The following KCP variants were observed in gnomAD, a reference collection of about 807,000 sequenced individuals.
The protein encoded by KCP is kielin/chordin-like protein.
Under a neutral mutation model 212.7 loss-of-function variants are expected in KCP, and 194 were observed. The ratio of observed to expected loss-of-function variants is 0.91; its 90% CI spans 0.81 to 1.03. The LOEUF (loss-of-function observed/expected upper bound fraction) is 1.03. KCP is among the 50% of genes least tolerant of loss of function. The probability of loss-of-function intolerance (pLI) is 0.00; values close to 1 mark genes in which losing one functional copy is unlikely to be tolerated. For missense variants in KCP, 2,080 were observed against 2,162.5 expected (o/e 0.96, Z 0.76); for synonymous variants, 833 against 865.3 (o/e 0.96, Z 0.65).
In KCP at chr7:128,903,735, G is replaced by A. The variant is rs979256486; in HGVS notation, c.740C>T (p.Thr247Ile). Residue 247 changes from threonine (T) to isoleucine (I), a missense_variant, in exon 7 of 40, where the codon ACC becomes ATC. Transcript: ENST00000610776. ...PVLRPGHCCP[T>I]CQGCTEGGSH... ...GGGCCAGGGGCTCTCACCTTGGCAG[G>A]TTGGGCAGCAGTGCCCAGGCCTCAG... 6.5e-7 allele frequency: 1 copy of A among 1,549,546 alleles called. No homozygotes were observed. Among genetic ancestry groups the A allele is most frequent in the Non-Finnish European group, 8.7e-7 (1 of 1,146,100 alleles).
intron 16 of KCP, among the ~76,000 whole-genome samples, chr7:128,892,233 G>T (rs79097036): frequency 0.047 from 7,080 of 151,416 alleles, 558 homozygotes; most frequent in African/African-American, 0.16. Flanking sequence ...GGGGGTAGGG[G>T]GGTGGGGGCC....
Position 128,908,557 on chromosome 7 carries a change from G to A in KCP, c.88C>T (p.Pro30Ser). 1 of 1,550,840 alleles carries A rather than the reference G, an allele frequency of 6.4e-7. No homozygotes were observed. The highest frequency in any genetic ancestry group is 1.2e-5 in the South Asian group (1 of 84,026). ...LAAGAEGGAV[P>S]REPPGQQTTA... ...GTCTGCTGCCCAGGGGGCTCCCTGGGGACAGCCCCACCTGAAGGGCACAAG... is the reference window on the plus strand; with the variant it reads ...GTCTGCTGCCCAGGGGGCTCCCTGGAGACAGCCCCACCTGAAGGGCACAAG... Residue 30 changes from proline (P) to serine (S), a missense_variant, in exon 2 of 40, where the codon CCC (proline) becomes TCC (serine). Coordinates refer to ENST00000610776, the MANE Select transcript of KCP (RefSeq NM_001366122.1).
chr7:128,895,677 T>C (rs1351113991), intron 8 of KCP, among the ~76,000 whole-genome samples: 2 of 152,172 alleles, frequency 1.3e-5, no homozygotes, highest in Non-Finnish European at 1.5e-5. Flanking sequence ...ACCTTGCTGA[T>C]AGAACAGGTT....
chr7:128,888,147 CACACACAT>C (rs1328014549), intron 22 of KCP, among the ~76,000 whole-genome samples: 1 of 140,992 alleles, frequency 7.1e-6, no homozygotes, highest in Non-Finnish European at 1.6e-5. Context: ...CACAGGGCCA[CACACACAT>C]ACACAGCCAC....
rs764504675 is a variant in KCP at position 128,892,949 on chromosome 7, C to T, written c.1340G>A (p.Cys447Tyr). 138 of 1,365,908 alleles carry T rather than the reference C, an allele frequency of 1.0e-4. No homozygotes were observed. Among genetic ancestry groups the T allele is most frequent in the Non-Finnish European group, 1.3e-4 (123 of 977,820 alleles). 84.6% of individuals were successfully genotyped at this position (1,365,908 alleles called of 1,614,324 possible). Residue 447 changes from cysteine (C) to tyrosine (Y), a missense_variant, in exon 14 of 40, where the codon TGC (cysteine) becomes TAC (tyrosine). Cys to Tyr is a radical substitution (Grantham distance 194, BLOSUM62 -2). Transcript: ENST00000610776. ...CTTGGGTACCCCATCTTGACAGACGCAGGCGGTGCAGGGCCGACCATCAGG... is the reference window on the plus strand; with the variant it reads ...CTTGGGTACCCCATCTTGACAGACGTAGGCGGTGCAGGGCCGACCATCAGG... ...WEPDGRPCTA[C>Y]VCQDGVPKCG...
Position 128,890,896 on chromosome 7 carries a change from G to A in KCP, c.2164+9C>T. The A allele has an allele frequency of 8.0e-7, 1 of 1,249,828 alleles. No individual in the cohort carries two copies. Among genetic ancestry groups the A allele is most frequent in the Non-Finnish European group, 1.0e-6 (1 of 1,002,312 alleles). 77.4% of individuals were successfully genotyped at this position (1,249,828 alleles called of 1,614,324 possible). A position where few individuals can be genotyped will look rare whatever the true frequency, so the allele number is the denominator to read the frequency against. ...CGGGTGGCCGGGAGGGGCACCGCCA[G>A]GGCGTTACCGTCGCAGGAGGGGCAG... On this transcript the variant is annotated intron_variant, in intron 20 of 39. Transcript: ENST00000610776.
At position 128,878,698 on chromosome 7, in the gene KCP, C is replaced by T. The variant is rs1402882483; in HGVS notation, c.4171G>A (p.Val1391Met). Residue 1391 changes from valine (V) to methionine (M), a missense_variant, in exon 38 of 40, where the codon GTG becomes ATG. By Grantham distance (21) the Val-to-Met change is conservative. Transcript: ENST00000610776. The part of the protein sequence containing the change: ...LQVLWDGQSQ[V>M]EVSVPGSYQG... ...TAGGAGCCAGGTACGCTCACCTCCA[C>T]CTGGGACTGCCCATCCCACAGCACC... is the stretch of plus-strand genomic sequence containing the variant. The T allele has an allele frequency of 4.5e-6, 7 of 1,550,280 alleles. No homozygotes were observed. In the Admixed American group the frequency reaches 9.8e-5, roughly 22 times the overall value.
chr7:128,896,249 G>A (rs1051051353), intron 8 of KCP, among the ~76,000 whole-genome samples: 6 of 152,134 alleles, frequency 3.9e-5, no homozygotes, highest in African/African-American at 9.7e-5. Flanking sequence ...GCATATACCC[G>A]GGTAAATAAT....
Position 128,880,600 on chromosome 7 carries a change from C to T in KCP, c.3616+19G>A. ...CAGAAGGTCTGGCTTACCCCTCCCCCATCACCCTGGCTGCGCACCTTGGCA... is the reference window on the plus strand; with the variant it reads ...CAGAAGGTCTGGCTTACCCCTCCCCTATCACCCTGGCTGCGCACCTTGGCA... On this transcript the variant is annotated intron_variant, in intron 33 of 39. Coordinates refer to ENST00000610776, the MANE Select transcript of KCP (RefSeq NM_001366122.1). 1 of 1,304,778 alleles carries T rather than the reference C, an allele frequency of 7.7e-7. No homozygotes were observed. The highest frequency in any genetic ancestry group is 1.0e-6 in the Non-Finnish European group (1 of 1,002,662). The allele number at this position is 1,304,778 out of a possible 1,614,324, so 80.8% of individuals were successfully genotyped here. A position where few individuals can be genotyped will look rare whatever the true frequency, so the allele number is the denominator to read the frequency against.
Position 128,893,241 on chromosome 7 carries a change from G to T in KCP, c.1264C>A (p.Pro422Thr). ...CTCCTCCCCCTCTCACACACACCTG[G>T]GCAGAGCTGGCGGCCAGAGGCAGGC... ...ALPASGRQLCPACELDGEEFA... is the reference protein window; with the variant it reads ...ALPASGRQLCTACELDGEEFA... Residue 422 changes from proline to threonine, a missense_variant, in exon 13 of 40, where the codon CCA becomes ACA. Transcript: ENST00000610776. 1 of 1,551,022 alleles carries T rather than the reference G, an allele frequency of 6.4e-7. No homozygotes were observed. Among genetic ancestry groups the T allele is most frequent in the South Asian group, 1.2e-5 (1 of 84,038 alleles).
At position 128,892,993 on chromosome 7, in the gene KCP, A is replaced by G. The variant is rs1416877221; in HGVS notation, c.1296T>C (p.Ala432=). ...PACELDGEEF[A]EGVQWEPDGR... is the part of the protein sequence containing the mutation. ...CATCAGGCTCCCACTGGACTCCCTC[A>G]GCAAACTCCTCTCCATCCAGCTCAC... Residue 432 remains alanine (A), a synonymous_variant, in exon 14 of 40, where the codon GCT becomes GCC. Transcript: ENST00000610776. 4 of 1,023,892 alleles carry G rather than the reference A, an allele frequency of 3.9e-6. No homozygotes were observed. Among genetic ancestry groups the G allele is most frequent in the Non-Finnish European group, 6.0e-6 (4 of 665,048 alleles). 63.4% of individuals were successfully genotyped at this position (1,023,892 alleles called of 1,614,324 possible).
At position 128,893,024 on chromosome 7, in the gene KCP, G is replaced by A. The variant is rs1231878085; in HGVS notation, c.1268-3C>T. On this transcript the variant is annotated splice_region_variant and splice_polypyrimidine_tract_variant and intron_variant, in intron 13 of 39. Coordinates refer to ENST00000610776, the MANE Select transcript of KCP (RefSeq NM_001366122.1). ...CTCCTCTCCATCCAGCTCACAGGCT[G>A]TAGTAAGGGGGCTGTCACATGGCAG... 2.2e-6 allele frequency: 2 copies of A among 907,838 alleles called. No homozygotes were observed. The highest frequency in any genetic ancestry group is 2.0e-5 in the Admixed American group (1 of 50,214). 56.2% of individuals were successfully genotyped at this position (907,838 alleles called of 1,614,324 possible).
chr7:128,878,677 A>G lies in KCP; in HGVS notation c.4192T>C (p.Ser1398Pro). ...AGCCCACAAGTCCGGCCCTGGTAGG[A>G]GCCAGGTACGCTCACCTCCACCTGG... Reference protein sequence around the residue: ...QSQVEVSVPGSYQGRTCGLCG... With the variant: ...QSQVEVSVPGPYQGRTCGLCG... Residue 1398 changes from serine to proline, a missense_variant, in exon 38 of 40, where the codon TCC (serine) becomes CCC (proline). Transcript: ENST00000610776. 6.4e-7 allele frequency: 1 copy of G among 1,551,054 alleles called. No homozygotes were observed. The highest frequency in any genetic ancestry group is 8.7e-7 in the Non-Finnish European group (1 of 1,146,966).
In KCP at chr7:128,891,251, G is replaced by T; in HGVS notation, c.1906C>A (p.Arg636Ser). Residue 636 changes from arginine to serine, a missense_variant, in exon 19 of 40, where the codon CGC becomes AGC. By Grantham distance (110) the Arg-to-Ser change is moderately radical. Transcript: ENST00000610776. ...TCTGGACAGGGCAGCGGCACGCAGC[G>T]GCGGGCCAGGCACTGCACGTTGCCG... ...LSGNVQCLAR[R>S]CVPLPCPEPV... The T allele has an allele frequency of 2.6e-6, 4 of 1,546,930 alleles. No homozygotes were observed. Among genetic ancestry groups the T allele is most frequent in the Non-Finnish European group, 2.6e-6 (3 of 1,146,684 alleles).
intron 21 of KCP, chr7:128,890,070 C>T: frequency 2.1e-6 from 1 of 482,858 alleles, no homozygotes; most frequent in Non-Finnish European, 3.8e-6. Flanking sequence ...CTACAAGAGG[C>T]ACCACGACCA....
chr7:128,894,779 T>A (rs1222643415), intron 8 of KCP, among the ~76,000 whole-genome samples: 6 of 152,156 alleles, frequency 3.9e-5, no homozygotes, highest in Non-Finnish European at 7.3e-5. Context: ...GCTAATTTTT[T>A]ATATTTTTAG....
At chr7:128,909,413 G>C (rs887352458) in intron 1 of KCP, among the ~76,000 whole-genome samples, 1 of 152,156 alleles carries the variant, frequency 6.6e-6, no homozygotes, top group African/African-American at 2.4e-5. Flanking sequence ...TGAGACAGGG[G>C]AACAATGTCA....
chr7:128,885,358 C>G, intron 26 of KCP, 88 bp from the exon 27 acceptor site: 1 of 1,365,458 alleles, frequency 7.3e-7, no homozygotes, highest in Non-Finnish European at 9.9e-7. Flanking sequence ...CAGCTAGGCA[C>G]GTGGCGCCAG....
chr7:128,894,905 G>T (rs909982057), intron 8 of KCP, among the ~76,000 whole-genome samples: 2 of 152,134 alleles, frequency 1.3e-5, no homozygotes, highest in Non-Finnish European at 2.9e-5. Context: ...ACTGTTCCAG[G>T]CAATATCCTT....
Sources: allele counts gnomAD v4.1 joint callset (sites outside exome capture counted in the v4.1 genomes callset), GRCh38; gene constraint gnomAD v4.1.1; transcripts MANE v1.5; gene names NCBI Gene and HGNC (gene_info 2026-07-23, HGNC 2026-07-21).